IPO8: variants seen among roughly 807,000 people sequenced by gnomAD.
The protein encoded by IPO8 is importin 8.
Under a neutral mutation model 141.2 loss-of-function variants are expected in IPO8, and 65 were observed. The observed-to-expected ratio is 0.46, with a 90% CI of 0.38 to 0.57. IPO8 has a LOEUF of 0.57. IPO8 is among the 20% of genes least tolerant of loss of function. The probability of loss-of-function intolerance (pLI) is 0.00; values close to 1 mark genes in which losing one functional copy is unlikely to be tolerated. For synonymous variants in IPO8, 411 were observed against 420.3 expected (o/e 0.98, Z 0.27); for missense variants, 980 against 1,246.8 (o/e 0.79, Z 3.22).
chr12:30,684,488 G>A (rs2053220488), intron 2 of IPO8, 31 bp from the exon 3 acceptor site: 2 of 1,606,884 alleles, frequency 1.2e-6, no homozygotes, highest in African/African-American at 1.3e-5. Context: ...TAATGTAGCA[G>A]TACCAAAAAG....
chr12:30,665,969 G>A (rs2052958896), intron 11 of IPO8, 124 bp from the exon 12 acceptor site: 1 of 693,124 alleles, frequency 1.4e-6, no homozygotes, highest in East Asian at 2.7e-5. Context: ...GCAACTATAA[G>A]CTCAATAAGA....
chr12:30,662,046 C>T (rs1443831099), intron 15 of IPO8, among the ~76,000 whole-genome samples: 1 of 152,140 alleles, frequency 6.6e-6, no homozygotes, highest in African/African-American at 2.4e-5. Flanking sequence ...ATGGCATAGC[C>T]TATTGCTCCA....
At chr12:30,675,587 G>T (rs960325778) in intron 6 of IPO8, among the ~76,000 whole-genome samples, 1 of 151,902 alleles carries the variant, frequency 6.6e-6, no homozygotes, top group Admixed American at 6.6e-5. Flanking sequence ...CAGCACTTTG[G>T]GAGGCCGAGG....
intron 3 of IPO8, among the ~76,000 whole-genome samples, chr12:30,683,723 T>C (rs906136117): frequency 6.6e-6 from 1 of 152,224 alleles, no homozygotes; most frequent in Non-Finnish European, 1.5e-5. Flanking sequence ...TAATATTAGA[T>C]AGCACTGACA....
At chr12:30,681,850 A>G in intron 3 of IPO8, 33 bp from the exon 4 acceptor site, 1 of 1,562,510 alleles carries the variant, frequency 6.4e-7, no homozygotes. Context: ...CCAAAATCTA[A>G]GTAATTATAA....
chr12:30,661,045 C>T (rs963342150), intron 16 of IPO8, 96 bp downstream of exon 16: 26 of 845,854 alleles, frequency 3.1e-5, no homozygotes, highest in Non-Finnish European at 4.4e-5. Flanking sequence ...AACTAAGTAG[C>T]AATTTAAAAG....
At chr12:30,674,260 T>G (rs555755477) in intron 7 of IPO8, among the ~76,000 whole-genome samples, 186 bp from the exon 8 acceptor site, 1 of 152,308 alleles carries the variant, frequency 6.6e-6, no homozygotes, top group East Asian at 1.9e-4. Context: ...TGGGCCATAC[T>G]GTAAAGTTTC....
At chr12:30,655,246 T>A (rs2052782898) in intron 17 of IPO8, among the ~76,000 whole-genome samples, 1 of 152,200 alleles carries the variant, frequency 6.6e-6, no homozygotes, top group South Asian at 2.1e-4. Flanking sequence ...ATAAAACTTC[T>A]GTGCTCTACC....
At position 30,663,577 on chromosome 12, in the gene IPO8, C is replaced by T. The variant is rs1027360957; in HGVS notation, c.1506G>A (p.Ala502=). 14 of 1,613,506 alleles carry T rather than the reference C, an allele frequency of 8.7e-6. No individual in the cohort carries two copies. The highest frequency in any genetic ancestry group is 1.0e-5 in the Non-Finnish European group (12 of 1,179,852). Residue 502 remains alanine (A), a synonymous_variant, in exon 14 of 25, where the codon GCG becomes GCA. Transcript: ENST00000256079. ...ELNLRNAVEL[A]KKSLIEDKEM... ...CTTTATCTTCAATCAGGCTCTTCTTCGCTAATTCAACGGCATTTCTTAGAT... is the reference window on the plus strand; with the variant it reads ...CTTTATCTTCAATCAGGCTCTTCTTTGCTAATTCAACGGCATTTCTTAGAT...
At position 30,631,463 on chromosome 12, in the gene IPO8, G is replaced by C. The variant is rs2052431032; in HGVS notation, c.3016+432C>G. ...CTTAAAAACTGAAAATCAACAACAA[G>C]AAACAATGTCAAATAAAGCCCAACA... On this transcript the variant is annotated intron_variant, in intron 24 of 24. Transcript: ENST00000256079. Among the ~76,000 whole-genome samples, 6 of 152,060 alleles carry C rather than the reference G, an allele frequency of 3.9e-5. No homozygotes were observed. In the South Asian group the frequency reaches 1.2e-3, roughly 32 times the overall value.
At chr12:30,665,105 A>C (rs976915501) in intron 13 of IPO8, 115 bp downstream of exon 13, 10 of 640,110 alleles carry the variant, frequency 1.6e-5, no homozygotes, top group South Asian at 1.4e-4. Flanking sequence ...AGACATTCTA[A>C]TTGACTCTAT....
At chr12:30,672,273 T>G in intron 8 of IPO8, among the ~76,000 whole-genome samples, 1 of 152,178 alleles carries the variant, frequency 6.6e-6, no homozygotes, top group East Asian at 1.9e-4. Context: ...GAATATGGAT[T>G]TTATTCAAGT....
At chr12:30,689,418 A>G (rs1373616807) in intron 2 of IPO8, among the ~76,000 whole-genome samples, 1 of 152,200 alleles carries the variant, frequency 6.6e-6, no homozygotes, top group African/African-American at 2.4e-5. Flanking sequence ...ACAAGTGCCA[A>G]TTGTGGTTTC....
intron 16 of IPO8, among the ~76,000 whole-genome samples, chr12:30,657,905 A>T (rs908532427): frequency 6.6e-6 from 1 of 151,488 alleles, no homozygotes; most frequent in South Asian, 2.1e-4. Flanking sequence ...AACCTGGTTT[A>T]AAAAAAAGGA....
In IPO8 at chr12:30,690,550, T is replaced by G. The variant is rs2053281886; in HGVS notation, c.112A>C (p.Ser38Arg). ...QSYKIINFAP[S>R]LLRIIVSDHV... ...TCAGAGACTATAATCCGAAGTAAAC[T>G]GGGGGCAAAATTGATAATCTTGTAG... The change falls in exon 2 of 25, where the codon AGT becomes CGT. Residue 38 changes from serine (S) to arginine (R), a missense_variant. By Grantham distance (110) the Ser-to-Arg change is moderately radical. Coordinates refer to ENST00000256079, the MANE Select transcript of IPO8 (RefSeq NM_006390.4). The G allele has an allele frequency of 6.3e-7, 1 of 1,592,046 alleles. No homozygotes were observed. The highest frequency in any genetic ancestry group is 1.4e-5 in the African/African-American group (1 of 73,490).
intron 9 of IPO8, among the ~76,000 whole-genome samples, chr12:30,670,492 C>T (rs980734200): frequency 6.6e-6 from 1 of 152,124 alleles, no homozygotes; most frequent in African/African-American, 2.4e-5. Flanking sequence ...AACAATGATG[C>T]TATTGAACTT....
Position 30,639,715 on chromosome 12 carries a change from T to C in IPO8, c.2289A>G (p.Gln763=), listed in dbSNP as rs1187585511. 4 of 1,613,948 alleles carry C rather than the reference T, an allele frequency of 2.5e-6. No individual in the cohort carries two copies. Among genetic ancestry groups the C allele is most frequent in the Non-Finnish European group, 3.4e-6 (4 of 1,179,954 alleles). ...CTCGAGTTAATCTCTCCAAAACAAG[T>C]TGAACGAAGAGTGGAATGCACTAGA... ...GIDQCIPLFV[Q]LVLERLTRGV... Residue 763 remains glutamine (Q), a synonymous_variant, in exon 21 of 25, where the codon CAA becomes CAG. Coordinates refer to ENST00000256079, the MANE Select transcript of IPO8 (RefSeq NM_006390.4).
chr12:30,695,688 C>A lies in IPO8; in HGVS notation c.-41G>T. On this transcript the variant is annotated 5_prime_UTR_variant, in exon 1 of 25. Coordinates refer to ENST00000256079, the MANE Select transcript of IPO8 (RefSeq NM_006390.4). The surrounding 1 kb of genome is among the most constrained non-coding windows in gnomAD (Gnocchi z 4.2). ...CTCCGCGGCCCCCGGAACAGTAGGC[C>A]GGACTGCAGCTTTAGTTTTCTTTTG... 6.4e-7 allele frequency: 1 copy of A among 1,567,676 alleles called. No individual in the cohort carries two copies. Among genetic ancestry groups the A allele is most frequent in the Non-Finnish European group, 8.8e-7 (1 of 1,140,576 alleles).
At chr12:30,671,686 A>G (rs1238515470) in intron 8 of IPO8, among the ~76,000 whole-genome samples, 2 of 150,808 alleles carry the variant, frequency 1.3e-5, no homozygotes, top group East Asian at 1.9e-4. Flanking sequence ...AAAAAAAAAA[A>G]AAAAAAAAAA....
Sources: gnomAD v4.1 joint callset for allele counts (sites outside exome capture counted in the v4.1 genomes callset) on GRCh38, gnomAD v4.1.1 for gene constraint, Gnocchi (gnomAD v3.1) non-coding constraint, MANE v1.5 for transcripts, NCBI Gene and HGNC (gene_info 2026-07-23, HGNC 2026-07-21) for gene names.